HDAC8: variants seen among roughly 807,000 people sequenced by gnomAD.
HDAC8 encodes histone deacetylase 8.
In HDAC8, 1 loss-of-function variant was observed where a neutral mutation model predicts 32.2. The ratio of observed to expected loss-of-function variants is 0.03; its 90% confidence interval spans 0.01 to 0.15. The LOEUF (loss-of-function observed/expected upper bound fraction) is 0.15, where lower values mean the gene tolerates loss of function less well. HDAC8 is among the 10% of genes least tolerant of loss of function. The pLI is 1.00. For missense variants in HDAC8, 117 were observed against 300.0 expected, an observed-to-expected ratio of 0.39 and a Z score of 4.51; for synonymous variants, 108 against 113.9, an observed-to-expected ratio of 0.95 and a Z score of 0.33.
intron 4 of HDAC8, among the ~76,000 whole-genome samples, chrX:72,497,930 A>G (rs781909561): frequency 9.0e-6 from 1 of 111,256 alleles, no homozygotes; most frequent in African/African-American, 3.2e-5. Flanking sequence ...TGCTGCAGAA[A>G]AGTTATGTAT....
At chrX:72,560,992 A>T (rs1001320116) in intron 4 of HDAC8, among the ~76,000 whole-genome samples, 1 of 111,995 alleles carries the variant, frequency 8.9e-6, no homozygotes, top group South Asian at 3.7e-4. Context: ...ATACCTAATC[A>T]AGGACATGAA....
At chrX:72,529,045 G>A (rs2050248449) in intron 4 of HDAC8, among the ~76,000 whole-genome samples, 1 of 112,094 alleles carries the variant, frequency 8.9e-6, no homozygotes, top group East Asian at 2.8e-4. Context: ...GAGCAAGAAA[G>A]CAACAAGGAC....
At position 72,523,191 on chromosome X, in the gene HDAC8, C is replaced by T. The variant is rs183301932; in HGVS notation, c.438-27923G>A. On this transcript the variant is annotated intron_variant, in intron 4 of 10. Transcript: ENST00000373573. ...TTGATACATATTGCTAAACTGTCCT[C>T]TGGAAAGTACAAAAACATTTACATT... Among the ~76,000 whole-genome samples the T allele has an allele frequency of 1.8e-4, 20 of 111,992 alleles. 1 individual carries two copies. In the Admixed American group the frequency reaches 1.9e-3, roughly 11 times the overall value.
intron 4 of HDAC8, among the ~76,000 whole-genome samples, chrX:72,529,324 T>TA (rs1157309330): frequency 1.8e-5 from 2 of 111,993 alleles, no homozygotes; most frequent in African/African-American, 6.5e-5. Flanking sequence ...GCCCTAAATG[T>TA]AATCACAAGT....
chrX:72,500,260 T>A (rs1452265089), intron 4 of HDAC8, among the ~76,000 whole-genome samples: 1 of 111,769 alleles, frequency 8.9e-6, no homozygotes, highest in Non-Finnish European at 1.9e-5. Flanking sequence ...GAGGAGGGAC[T>A]CTTCCTCGAC....
intron 9 of HDAC8, among the ~76,000 whole-genome samples, chrX:72,396,638 A>T (rs1245275078): frequency 3.6e-5 from 4 of 110,923 alleles, no homozygotes; most frequent in South Asian, 3.9e-4. Flanking sequence ...GGTCAAAGGG[A>T]ACAAAGTTCA....
chrX:72,392,040 A>G (rs1449601336), intron 9 of HDAC8, among the ~76,000 whole-genome samples: 2 of 112,267 alleles, frequency 1.8e-5, no homozygotes, highest in Non-Finnish European at 3.8e-5. Context: ...CTATTAATAC[A>G]TTACAGAGAA....
chrX:72,373,031 T>C (rs2044931431), intron 9 of HDAC8, among the ~76,000 whole-genome samples: 1 of 111,296 alleles, frequency 9.0e-6, no homozygotes, highest in Non-Finnish European at 1.9e-5. Context: ...CCTCACACAA[T>C]ACAAGGGAGA....
intron 2 of HDAC8, among the ~76,000 whole-genome samples, chrX:72,571,082 GC>G (rs2052020773): frequency 9.0e-6 from 1 of 111,161 alleles, no homozygotes; most frequent in Non-Finnish European, 1.9e-5. Flanking sequence ...CTGCCACCAC[GC>G]CCGGCTAATT....
At chrX:72,485,688 AAGG>A (rs1254799238) in intron 7 of HDAC8, among the ~76,000 whole-genome samples, 1 of 111,451 alleles carries the variant, frequency 9.0e-6, no homozygotes, top group Non-Finnish European at 1.9e-5. Context: ...GAAAAGGAAA[AAGG>A]AGCAATTTAT....
At position 72,329,956 on chromosome X, in the gene HDAC8, C is replaced by T; in HGVS notation, c.*98G>A. 1.1e-6 allele frequency: 1 copy of T among 927,257 alleles called. No individual in the cohort carries two copies. The highest frequency in any genetic ancestry group is 3.1e-5 in the East Asian group (1 of 32,334). The allele number at this position is 927,257 out of a possible 1,213,427, so 76.4% of individuals were successfully genotyped here. ...CAGGAAGTAATTTCTTTCAAATTTT[C>T]CCTGCAGTCACAAATTCCACAAACT... On this transcript the variant is annotated 3_prime_UTR_variant, in exon 11 of 11. Coordinates refer to ENST00000373573, the MANE Select transcript of HDAC8 (RefSeq NM_018486.3).
intron 4 of HDAC8, among the ~76,000 whole-genome samples, chrX:72,534,608 C>T (rs1409885032): frequency 9.0e-6 from 1 of 111,120 alleles, no homozygotes; most frequent in Admixed American, 9.6e-5. Context: ...TGCATCCGGC[C>T]CCTAGCAATA....
At chrX:72,357,354 G>A (rs890106982) in intron 9 of HDAC8, among the ~76,000 whole-genome samples, 1 of 109,127 alleles carries the variant, frequency 9.2e-6, no homozygotes. Context: ...AGATTTAGGA[G>A]TTACCAGCAA....
At chrX:72,337,929 G>C (rs1160834322) in intron 10 of HDAC8, among the ~76,000 whole-genome samples, 2 of 111,245 alleles carry the variant, frequency 1.8e-5, no homozygotes, top group African/African-American at 3.3e-5. Context: ...CTTCTTCCTG[G>C]AATGCTCTGT....
chrX:72,391,345 C>T (rs2045607280), intron 9 of HDAC8, among the ~76,000 whole-genome samples: 1 of 112,304 alleles, frequency 8.9e-6, no homozygotes, highest in African/African-American at 3.2e-5. Flanking sequence ...ACTGTGAATA[C>T]CCATTCCTAA....
Position 72,567,007 on chromosome X carries a change from T to C in HDAC8, c.437+882A>G, listed in dbSNP as rs781926729. 2.7e-5 allele frequency among the ~76,000 whole-genome samples: 3 copies of C among 111,941 alleles called. No individual in the cohort carries two copies. In the South Asian group the frequency reaches 1.1e-3, roughly 43 times the overall value. ...CAAAAATACAAAAATTAGCTGGGCA[T>C]GATGGCGGGTGCCTGTAATTCCAGC... is the stretch of plus-strand genomic sequence containing the variant. On this transcript the variant is annotated intron_variant, in intron 4 of 10. Transcript: ENST00000373573.
chrX:72,514,779 G>A (rs1313872056), intron 4 of HDAC8, among the ~76,000 whole-genome samples: 1 of 111,810 alleles, frequency 8.9e-6, no homozygotes, highest in East Asian at 2.8e-4. Context: ...CCGAAAGTCT[G>A]TAATATGATA....
Position 72,545,258 on chromosome X carries a change from G to T in HDAC8, c.437+22631C>A, listed in dbSNP as rs782401790. Among the ~76,000 whole-genome samples, 5 of 112,137 alleles carry T rather than the reference G, an allele frequency of 4.5e-5. No individual in the cohort carries two copies. In the South Asian group the frequency reaches 1.5e-3, roughly 33 times the overall value. On this transcript the variant is annotated intron_variant, in intron 4 of 10. Coordinates refer to ENST00000373573, the MANE Select transcript of HDAC8 (RefSeq NM_018486.3). Reference sequence around the variant, plus strand: ...GTAGTGGGTGACAAACAATATCAAGGCTGACCTCAGCTGCACAGGCAGTTA... The same window carrying T: ...GTAGTGGGTGACAAACAATATCAAGTCTGACCTCAGCTGCACAGGCAGTTA...
intron 4 of HDAC8, among the ~76,000 whole-genome samples, chrX:72,533,796 T>C (rs2050428522): frequency 9.0e-6 from 1 of 111,571 alleles, no homozygotes; most frequent in African/African-American, 3.3e-5. Context: ...AGAAAAACCA[T>C]TTGACAAGAT....
Sources: allele counts gnomAD v4.1 joint callset (sites outside exome capture counted in the v4.1 genomes callset), GRCh38; gene constraint gnomAD v4.1.1; transcripts MANE v1.5; gene names NCBI Gene and HGNC (gene_info 2026-07-23, HGNC 2026-07-21).